The following PCDH9 variants were observed in gnomAD, a reference collection of about 807,000 sequenced individuals.
PCDH9 encodes the protein protocadherin-9.
In PCDH9, 24 loss-of-function variants were observed where a neutral mutation model predicts 70.6. The observed-to-expected ratio is 0.34, with a 90% confidence interval of 0.25 to 0.48. The LOEUF (loss-of-function observed/expected upper bound fraction) is 0.48, where lower values mean the gene tolerates loss of function less well. Among genes scored for constraint, PCDH9 ranks in the 20% least tolerant of loss-of-function variants. PCDH9 has a pLI of 0.99. For synonymous variants in PCDH9, 562 were observed against 558.5 expected (o/e 1.01, Z -0.09); for missense variants, 1,281 against 1,503.6 (o/e 0.85, Z 2.45).
rs1473125171 is a variant in PCDH9, at chr13:67,104,912, T to C, written c.3036+120493A>G. Among the ~76,000 whole-genome samples, 9 of 152,298 alleles carry C rather than the reference T, an allele frequency of 5.9e-5. No individual in the cohort carries two copies. In the South Asian group the frequency reaches 1.7e-3, roughly 28 times the overall value. On this transcript the variant is annotated intron_variant, in intron 2 of 4. Transcript: ENST00000377865. ...ATAAGAGAATCCTTAATCTCACTTT[T>C]AAATCAGTTCCACTTCACTGAAATA...
chr13:66,869,441 A>G (rs2081632872), intron 3 of PCDH9, among the ~76,000 whole-genome samples: 1 of 152,110 alleles, frequency 6.6e-6, no homozygotes, highest in African/African-American at 2.4e-5. Context: ...AGAGGTCAAA[A>G]AAATTTCCTA....
chr13:66,974,039 T>C (rs773344253), intron 2 of PCDH9, among the ~76,000 whole-genome samples: 2 of 152,000 alleles, frequency 1.3e-5, no homozygotes, highest in Non-Finnish European at 2.9e-5. Flanking sequence ...TGATAAAGGA[T>C]CCACTATGTT....
At chr13:67,140,145 G>T (rs2087345541) in intron 2 of PCDH9, among the ~76,000 whole-genome samples, 1 of 148,578 alleles carries the variant, frequency 6.7e-6, no homozygotes, top group South Asian at 2.1e-4. Context: ...TTTATGACAA[G>T]AACACTTTTA....
chr13:67,187,310 C>T (rs1466112019), intron 2 of PCDH9, among the ~76,000 whole-genome samples: 1 of 152,112 alleles, frequency 6.6e-6, no homozygotes, highest in Non-Finnish European at 1.5e-5. Flanking sequence ...TGTCTTTCCC[C>T]GTGTCTTGTT....
At chr13:66,949,408 C>T (rs1447052626) in intron 2 of PCDH9, among the ~76,000 whole-genome samples, 2 of 152,062 alleles carry the variant, frequency 1.3e-5, no homozygotes, top group East Asian at 3.9e-4. Context: ...CAATATCACA[C>T]CATCTCTAAG....
At chr13:66,955,811 G>T (rs2083257931) in intron 2 of PCDH9, among the ~76,000 whole-genome samples, 1 of 152,144 alleles carries the variant, frequency 6.6e-6, no homozygotes, top group Non-Finnish European at 1.5e-5. Flanking sequence ...AACTACAAAT[G>T]AATTGTACTC....
intron 3 of PCDH9, among the ~76,000 whole-genome samples, chr13:66,647,940 AAGAGACGGCCAGGGGG>A (rs1278373743): frequency 2.6e-5 from 4 of 152,068 alleles, no homozygotes; most frequent in Non-Finnish European, 4.4e-5. Context: ...GGGCCTGGGG[AAGAGACGGCCAGGGGG>A]AGAAATTCTA....
intron 4 of PCDH9, among the ~76,000 whole-genome samples, chr13:66,328,847 T>G (rs753447245): frequency 6.6e-6 from 1 of 152,176 alleles, no homozygotes; most frequent in African/African-American, 2.4e-5. Context: ...TCTTGGAGAC[T>G]GTCCCTAAGA....
At chr13:66,774,787 A>G (rs2079864163) in intron 3 of PCDH9, among the ~76,000 whole-genome samples, 1 of 152,160 alleles carries the variant, frequency 6.6e-6, no homozygotes. Flanking sequence ...GCATAATTAC[A>G]ATTATCCCTG....
intron 2 of PCDH9, among the ~76,000 whole-genome samples, chr13:66,922,412 G>A (rs1023595811): frequency 6.6e-6 from 1 of 151,308 alleles, no homozygotes; most frequent in Non-Finnish European, 1.5e-5. Flanking sequence ...TAAGACAACT[G>A]TAGTACACTT....
chr13:66,708,410 T>TTC (rs1555324412), intron 3 of PCDH9, among the ~76,000 whole-genome samples: 1 of 151,120 alleles, frequency 6.6e-6, no homozygotes, highest in Admixed American at 6.6e-5. Context: ...TTAGTTTTTT[T>TTC]TTTTTTTTTT....
intron 4 of PCDH9, among the ~76,000 whole-genome samples, chr13:66,366,352 T>A (rs1384698265): frequency 2.0e-5 from 3 of 152,006 alleles, no homozygotes; most frequent in Non-Finnish European, 2.9e-5. Context: ...CCATAAGTAA[T>A]TTTTTTGCAT....
At chr13:66,627,610 C>G (rs987510177) in intron 4 of PCDH9, among the ~76,000 whole-genome samples, 20 of 152,248 alleles carry the variant, frequency 1.3e-4, no homozygotes, top group African/African-American at 4.1e-4. Context: ...TCCACTTTCT[C>G]TTTTCTCCCC....
chr13:67,099,982 A>G (rs1206029657), intron 2 of PCDH9, among the ~76,000 whole-genome samples: 1 of 152,024 alleles, frequency 6.6e-6, no homozygotes, highest in Admixed American at 6.6e-5. Context: ...GTTCAAACAC[A>G]CTCTTCCTCG....
At chr13:66,488,072 A>G (rs1162685687) in intron 4 of PCDH9, among the ~76,000 whole-genome samples, 2 of 152,158 alleles carry the variant, frequency 1.3e-5, no homozygotes, top group Admixed American at 6.5e-5. Context: ...CTTTGTTTTC[A>G]TGGTTGAGAA....
At chr13:66,405,929 A>AC (rs1957272753) in intron 4 of PCDH9, among the ~76,000 whole-genome samples, 1 of 10,634 alleles carries the variant, frequency 9.4e-5, no homozygotes, top group Non-Finnish European at 0.01. Flanking sequence ...CATTATGTAT[A>AC]AGGGACTGAT....
At chr13:66,924,976 T>G (rs1012484168) in intron 2 of PCDH9, among the ~76,000 whole-genome samples, 1 of 151,784 alleles carries the variant, frequency 6.6e-6, no homozygotes, top group African/African-American at 2.4e-5. Context: ...GACACAAATA[T>G]AAACATGATT....
At chr13:66,422,251 A>G (rs1222929223) in intron 4 of PCDH9, among the ~76,000 whole-genome samples, 14 of 152,108 alleles carry the variant, frequency 9.2e-5, no homozygotes, top group Admixed American at 7.9e-4. Flanking sequence ...ACAGACCAAT[A>G]AGACAGAAAA....
chr13:67,170,010 T>G (rs559522389), intron 2 of PCDH9, among the ~76,000 whole-genome samples: 11 of 152,292 alleles, frequency 7.2e-5, no homozygotes, highest in African/African-American at 2.6e-4. Context: ...CTCCTCCTCC[T>G]TTTTTTATAT....
Sources: gnomAD v4.1 joint callset for allele counts (sites outside exome capture counted in the v4.1 genomes callset) on GRCh38, gnomAD v4.1.1 for gene constraint, MANE v1.5 for transcripts, NCBI Gene and HGNC (gene_info 2026-07-23, HGNC 2026-07-21) for gene names.